The following FOXJ3 variants were observed in gnomAD, a reference collection of about 807,000 sequenced individuals.
FOXJ3 encodes forkhead box protein J3.
FOXJ3 carries 22 observed loss-of-function variants against 76.1 expected under a neutral mutation model. The ratio of observed to expected loss-of-function variants is 0.29; its 90% confidence interval spans 0.21 to 0.41. The LOEUF (loss-of-function observed/expected upper bound fraction) is 0.41, where lower values mean the gene tolerates loss of function less well. Ranked by LOEUF, FOXJ3 falls within the 10% of genes least tolerant of loss-of-function variation. FOXJ3 has a pLI of 1.00. For synonymous variants in FOXJ3, 269 were observed against 261.2 expected (o/e 1.03, Z -0.29); for missense variants, 613 against 762.1 (o/e 0.80, Z 2.30).
intron 2 of FOXJ3, among the ~76,000 whole-genome samples, chr1:42,288,277 G>A (rs1396288377): frequency 6.6e-6 from 1 of 152,160 alleles, no homozygotes; most frequent in Non-Finnish European, 1.5e-5. Context: ...TAAAAACTCA[G>A]AATCTGCTCC....
At chr1:42,238,994 T>G (rs564789333) in intron 4 of FOXJ3, among the ~76,000 whole-genome samples, 16 of 152,222 alleles carry the variant, frequency 1.1e-4, no homozygotes, top group Non-Finnish European at 1.9e-4. Flanking sequence ...TTTTGCAGTT[T>G]TCAGTGAACA....
chr1:42,199,307 G>C, intron 6 of FOXJ3, 77 bp from the exon 7 acceptor site: 1 of 1,273,394 alleles, frequency 7.9e-7, no homozygotes, highest in South Asian at 1.4e-5. Context: ...CAATTGAGCA[G>C]GCATATGGCA....
At chr1:42,189,913 A>C (rs1261776787) in intron 9 of FOXJ3, 1 of 152,772 alleles carries the variant, frequency 6.5e-6, no homozygotes, top group Non-Finnish European at 1.5e-5. Flanking sequence ...GCAATGACTT[A>C]ACGCAGGTGG....
At position 42,183,266 on chromosome 1, in the gene FOXJ3, A is replaced by G. The variant is rs146380760; in HGVS notation, c.1646-1242T>C. 6.3e-3 allele frequency among the ~76,000 whole-genome samples: 806 copies of G among 127,354 alleles called. 11 individuals carry two copies. Among genetic ancestry groups the G allele is most frequent in the African/African-American group, 0.023 (750 of 32,058 alleles). 83.5% of individuals were successfully genotyped at this position (127,354 alleles called of 152,430 possible). Reference sequence around the variant, plus strand: ...GTGAGACCCTGTCAAAAGAGAAGAGAGAGGAGAGCGGAGAGGGTGGAGCGG... The same window carrying G: ...GTGAGACCCTGTCAAAAGAGAAGAGGGAGGAGAGCGGAGAGGGTGGAGCGG... On this transcript the variant is annotated intron_variant, in intron 11 of 12. Transcript: ENST00000361346.
At chr1:42,308,968 G>A (rs1011726182) in intron 2 of FOXJ3, among the ~76,000 whole-genome samples, 1 of 70,758 alleles carries the variant, frequency 1.4e-5, no homozygotes, top group African/African-American at 4.8e-5. Flanking sequence ...TCGGTAGAAA[G>A]TGGACACTAA....
intron 3 of FOXJ3, among the ~76,000 whole-genome samples, chr1:42,269,128 T>C (rs1444464782): frequency 6.6e-6 from 1 of 152,096 alleles, no homozygotes; most frequent in African/African-American, 2.4e-5. Flanking sequence ...AAGATGTATA[T>C]AGTAAACCCT....
At chr1:42,320,410 T>G (rs1414554804) in intron 1 of FOXJ3, among the ~76,000 whole-genome samples, 2 of 152,246 alleles carry the variant, frequency 1.3e-5, no homozygotes, top group Non-Finnish European at 2.9e-5. Context: ...TCAGTCTCTC[T>G]ACTTTGCTCA....
chr1:42,292,572 T>C (rs1653509793), intron 2 of FOXJ3, among the ~76,000 whole-genome samples: 1 of 152,200 alleles, frequency 6.6e-6, no homozygotes, highest in Non-Finnish European at 1.5e-5. Flanking sequence ...ATACCATTTA[T>C]GTAAAAATCT....
rs1464448742 is a variant in FOXJ3, at chr1:42,191,547, T to C, written c.1107A>G (p.Ser369=). ...TTGSNSVAQV[S]LSHPQMHTQP... is the part of the protein sequence containing the mutation. ...GTGTGTGCATCTGGGGGTGAGACAGTGAGACCTGTGCAACCGAATTACTGC... is the reference window on the plus strand; with the variant it reads ...GTGTGTGCATCTGGGGGTGAGACAGCGAGACCTGTGCAACCGAATTACTGC... Residue 369 remains serine (S), a synonymous_variant, in exon 9 of 13, where the codon TCA becomes TCG. Coordinates refer to ENST00000361346, the MANE Select transcript of FOXJ3 (RefSeq NM_014947.5). 1.2e-6 allele frequency: 2 copies of C among 1,613,876 alleles called. No individual in the cohort carries two copies. The highest frequency in any genetic ancestry group is 1.7e-6 in the Non-Finnish European group (2 of 1,179,952).
chr1:42,204,743 G>T (rs779597069), intron 6 of FOXJ3, among the ~76,000 whole-genome samples: 8 of 144,146 alleles, frequency 5.5e-5, no homozygotes, highest in Non-Finnish European at 1.0e-4. Flanking sequence ...CTCTCTAAGT[G>T]ACTGTGATGT....
rs183327919 is a variant in FOXJ3, at chr1:42,238,045, C to T, written c.445-10079G>A. Among the ~76,000 whole-genome samples the T allele has an allele frequency of 2.6e-5, 4 of 151,290 alleles. No individual in the cohort carries two copies. The East Asian group carries it at 7.7e-4, about 29-fold the overall frequency. On this transcript the variant is annotated intron_variant, in intron 4 of 12. Transcript: ENST00000361346. ...GCCAATACCATTTTTTATTTTTTTA[C>T]TTTTTGAGACGGGAGTCTCACTCTG...
intron 2 of FOXJ3, among the ~76,000 whole-genome samples, chr1:42,308,792 T>A (rs1051064210): frequency 6.6e-6 from 1 of 152,136 alleles, no homozygotes; most frequent in Non-Finnish European, 1.5e-5. Context: ...TTCTCTTTCA[T>A]CAAACAAAAG....
At chr1:42,246,648 T>C (rs1649576624) in intron 4 of FOXJ3, among the ~76,000 whole-genome samples, 1 of 150,004 alleles carries the variant, frequency 6.7e-6, no homozygotes, top group African/African-American at 2.4e-5. Context: ...AAAAAAACAC[T>C]AAAAATAGAA....
intron 2 of FOXJ3, among the ~76,000 whole-genome samples, chr1:42,292,111 G>T (rs1653476607): frequency 6.6e-6 from 1 of 151,950 alleles, no homozygotes; most frequent in African/African-American, 2.4e-5. Context: ...CCTAAAGAGG[G>T]GTTGCAAAGA....
rs549914560 is a variant in FOXJ3 at position 42,310,289 on chromosome 1, G to A, written c.44+761C>T. Among the ~76,000 whole-genome samples the A allele has an allele frequency of 7.2e-5, 11 of 151,984 alleles. No homozygotes were observed. The East Asian group carries it at 2.1e-3, about 29-fold the overall frequency. ...GCCTCCCGAGTAGCTGGGATTACAG[G>A]CACGTGCAAACATGCCCAGCTAATT... On this transcript the variant is annotated intron_variant, in intron 2 of 12. Coordinates refer to ENST00000361346, the MANE Select transcript of FOXJ3 (RefSeq NM_014947.5).
chr1:42,184,713 C>A (rs1423191517), intron 11 of FOXJ3, among the ~76,000 whole-genome samples: 1 of 151,968 alleles, frequency 6.6e-6, no homozygotes, highest in African/African-American at 2.4e-5. Context: ...AGAGAGAGAA[C>A]AAGGACTGCT....
chr1:42,263,623 C>G (rs1651230958), intron 4 of FOXJ3, among the ~76,000 whole-genome samples: 1 of 151,944 alleles, frequency 6.6e-6, no homozygotes, highest in Non-Finnish European at 1.5e-5. Context: ...TACTGAGAAC[C>G]AACTTGACGG....
chr1:42,299,224 A>G (rs1008028776), intron 2 of FOXJ3, among the ~76,000 whole-genome samples: 1 of 152,174 alleles, frequency 6.6e-6, no homozygotes, highest in Non-Finnish European at 1.5e-5. Flanking sequence ...GATGTTCTCC[A>G]CTATTATTGT....
intron 2 of FOXJ3, among the ~76,000 whole-genome samples, chr1:42,291,232 C>T (rs984775704): frequency 3.9e-5 from 6 of 152,132 alleles, no homozygotes; most frequent in African/African-American, 1.4e-4. Context: ...CCTTACATCA[C>T]ATCATACATA....
Sources: gnomAD v4.1 joint callset for allele counts (sites outside exome capture counted in the v4.1 genomes callset) on GRCh38, gnomAD v4.1.1 for gene constraint, MANE v1.5 for transcripts, NCBI Gene and HGNC (gene_info 2026-07-23, HGNC 2026-07-21) for gene names.